PEX7: variants seen among roughly 807,000 people sequenced by gnomAD.
PEX7 encodes PTS2 receptor.
PEX7 carries 34 observed loss-of-function variants against 47.5 expected under a neutral mutation model. That is an observed-to-expected ratio of 0.72 (90% CI 0.54 to 0.95). The LOEUF is 0.95. Among genes scored for constraint, PEX7 ranks in the 40% least tolerant of loss-of-function variants. The pLI is 0.00. For synonymous variants in PEX7, 141 were observed against 148.8 expected (o/e 0.95, Z 0.38); for missense variants, 394 against 400.3 (o/e 0.98, Z 0.13).
chr6:136,913,533 CT>C lies in PEX7; in HGVS notation c.*8del, dbSNP rs775482110. 6 of 1,586,600 alleles carry C rather than the reference CT, an allele frequency of 3.8e-6. No individual in the cohort carries two copies. Among genetic ancestry groups the C allele is most frequent in the Non-Finnish European group, 5.2e-6 (6 of 1,155,428 alleles). On this transcript the variant is annotated 3_prime_UTR_variant, in exon 10 of 10. Coordinates refer to ENST00000318471, the MANE Select transcript of PEX7 (RefSeq NM_000288.4). ...TCTTACTATTCCTGCTTGAGATACACTACTTTGGTCAGAAACAGAGGATGTT... is the reference window on the plus strand; with the variant it reads ...TCTTACTATTCCTGCTTGAGATACACACTTTGGTCAGAAACAGAGGATGTT...
chr6:136,829,022 TA>T (rs887469214), intron 3 of PEX7, among the ~76,000 whole-genome samples: 14 of 152,260 alleles, frequency 9.2e-5, no homozygotes, highest in Admixed American at 2.6e-4. Flanking sequence ...CACTTTTTGG[TA>T]AGCGTTTGTA....
Position 136,869,070 on chromosome 6 carries a change from C to T in PEX7, c.634-820C>T, listed in dbSNP as rs149108620. Reference sequence around the variant, plus strand: ...CTTGCCTTTTAATGCCTGGAAAAACCTCAGAGTATGTTGAAACCCTTTTTG... The same window carrying T: ...CTTGCCTTTTAATGCCTGGAAAAACTTCAGAGTATGTTGAAACCCTTTTTG... On this transcript the variant is annotated intron_variant, in intron 6 of 9. Coordinates refer to ENST00000318471, the MANE Select transcript of PEX7 (RefSeq NM_000288.4). Among the ~76,000 whole-genome samples the T allele has an allele frequency of 4.1e-3, 628 of 151,990 alleles. 2 individuals carry two copies. Among genetic ancestry groups the T allele is most frequent in the South Asian group, 8.9e-3 (43 of 4,814 alleles).
intron 8 of PEX7, among the ~76,000 whole-genome samples, chr6:136,891,609 G>C (rs918452293): frequency 6.6e-6 from 1 of 150,666 alleles, no homozygotes; most frequent in African/African-American, 2.4e-5. Context: ...AAATATTTTT[G>C]AGTGAATGAA....
At chr6:136,836,521 T>C (rs1774387304) in intron 3 of PEX7, among the ~76,000 whole-genome samples, 1 of 152,110 alleles carries the variant, frequency 6.6e-6, no homozygotes. Context: ...AAGCAATTGC[T>C]AAAAATTGAA....
Position 136,900,754 on chromosome 6 carries a change from C to T in PEX7, c.903+2513C>T. 1 of 342,708 alleles carries T rather than the reference C, an allele frequency of 2.9e-6. No homozygotes were observed. The highest frequency in any genetic ancestry group is 5.6e-6 in the Non-Finnish European group (1 of 178,566). The allele number at this position is 342,708 out of a possible 1,614,324, so 21.2% of individuals were successfully genotyped here. On this transcript the variant is annotated intron_variant, in intron 9 of 9. Coordinates refer to ENST00000318471, the MANE Select transcript of PEX7 (RefSeq NM_000288.4). The surrounding 1 kb of genome is among the most constrained non-coding windows in gnomAD (Gnocchi z 4.2). ...CACCAAGGTGGTGACGGTGTTAACC[C>T]CAGCTTGAAGGACAGGTGGTCTCTT...
chr6:136,879,550 C>T (rs945576336), intron 8 of PEX7, among the ~76,000 whole-genome samples: 2 of 152,088 alleles, frequency 1.3e-5, no homozygotes, highest in Non-Finnish European at 2.9e-5. Flanking sequence ...ACCATCAATC[C>T]TTTCCCTCCT....
chr6:136,825,168 A>T, intron 1 of PEX7, 46 bp from the exon 2 acceptor site: 2 of 1,480,742 alleles, frequency 1.4e-6, no homozygotes, highest in Non-Finnish European at 1.9e-6. Flanking sequence ...TTTCGATGTT[A>T]CCCTGGCAGG....
intron 9 of PEX7, among the ~76,000 whole-genome samples, chr6:136,912,796 G>A (rs773027508): frequency 5.3e-5 from 8 of 152,098 alleles, no homozygotes; most frequent in Non-Finnish European, 1.0e-4. Context: ...TTTTATACCC[G>A]GAGACATTGC....
chr6:136,888,116 A>G (rs771625961), intron 8 of PEX7, among the ~76,000 whole-genome samples: 2 of 152,078 alleles, frequency 1.3e-5, no homozygotes, highest in East Asian at 1.9e-4. Flanking sequence ...AACAGATAGT[A>G]TAGTTGAATA....
At chr6:136,847,570 C>T (rs1225389202) in intron 5 of PEX7, among the ~76,000 whole-genome samples, 1 of 151,654 alleles carries the variant, frequency 6.6e-6, no homozygotes, top group Non-Finnish European at 1.5e-5. Context: ...TATGGCTAGC[C>T]AGTTTTCCCA....
rs1183050066 is a variant in PEX7 at position 136,905,317 on chromosome 6, G to A, written c.903+7076G>A. On this transcript the variant is annotated intron_variant, in intron 9 of 9. Transcript: ENST00000318471. ...TTTTAGATCTTCAATCGGTTCTTCT[G>A]TTTTCAAAGCTCTATGGGGCTTACC... 3.9e-5 allele frequency among the ~76,000 whole-genome samples: 6 copies of A among 152,060 alleles called. No individual in the cohort carries two copies. The East Asian group carries it at 1.2e-3, about 29-fold the overall frequency.
chr6:136,826,864 GTGTTTC>G (rs1774202258), intron 3 of PEX7, among the ~76,000 whole-genome samples: 2 of 152,084 alleles, frequency 1.3e-5, no homozygotes, highest in African/African-American at 4.8e-5. Flanking sequence ...GATTCCCGAG[GTGTTTC>G]AGAGTATATT....
At chr6:136,827,169 G>A (rs1774209637) in intron 3 of PEX7, among the ~76,000 whole-genome samples, 2 of 152,168 alleles carry the variant, frequency 1.3e-5, no homozygotes, top group Non-Finnish European at 2.9e-5. Context: ...TGCCTGGCCC[G>A]AGAAGGCCCT....
chr6:136,850,139 TA>T (rs1305772303), intron 5 of PEX7, among the ~76,000 whole-genome samples: 2 of 150,842 alleles, frequency 1.3e-5, no homozygotes, highest in Admixed American at 6.6e-5. Context: ...ATCTTTGTTG[TA>T]AAAAAAAAGT....
At chr6:136,879,452 T>TA (rs1425341113) in intron 8 of PEX7, among the ~76,000 whole-genome samples, 1 of 152,234 alleles carries the variant, frequency 6.6e-6, no homozygotes, top group Non-Finnish European at 1.5e-5. Context: ...ACTATGTTTT[T>TA]ATCTTGCTTT....
chr6:136,896,639 T>C (rs1775656313), intron 8 of PEX7, among the ~76,000 whole-genome samples: 1 of 152,180 alleles, frequency 6.6e-6, no homozygotes, highest in Non-Finnish European at 1.5e-5. Flanking sequence ...CTTCATGGAA[T>C]GTACCAATCT....
chr6:136,909,131 T>C (rs1022495770), intron 9 of PEX7, among the ~76,000 whole-genome samples: 3 of 152,252 alleles, frequency 2.0e-5, no homozygotes, highest in Non-Finnish European at 4.4e-5. Context: ...TGTCGTAACC[T>C]GTACATACTT....
intron 8 of PEX7, among the ~76,000 whole-genome samples, chr6:136,875,316 T>C (rs899728451): frequency 3.9e-5 from 6 of 152,142 alleles, no homozygotes; most frequent in Non-Finnish European, 8.8e-5. Context: ...CTGGTTATTA[T>C]TCAAACTATA....
chr6:136,823,438 G>A, intron 1 of PEX7: 1 of 813,516 alleles, frequency 1.2e-6, no homozygotes, highest in Non-Finnish European at 1.5e-6. Context: ...TCAGCCTGTG[G>A]TTAAAGCTGC....
Sources: allele counts gnomAD v4.1 joint callset (sites outside exome capture counted in the v4.1 genomes callset), GRCh38; gene constraint gnomAD v4.1.1; non-coding constraint Gnocchi (gnomAD v3.1); transcripts MANE v1.5; gene names NCBI Gene and HGNC (gene_info 2026-07-23, HGNC 2026-07-21).